The following LRRC63 variants were observed in gnomAD, a reference collection of about 807,000 sequenced individuals.
LRRC63 encodes the protein leucine rich repeat containing 63, also known as leucine-rich repeat-containing protein 63.
Under a neutral mutation model 49.5 loss-of-function variants are expected in LRRC63, and 40 were observed. The observed-to-expected ratio is 0.81, with a 90% CI of 0.63 to 1.05. The LOEUF is 1.05. Ranked by LOEUF, LRRC63 falls within the 50% of genes least tolerant of loss-of-function variation. LRRC63 has a pLI of 0.00. For synonymous variants in LRRC63, 191 were observed against 221.1 expected (o/e 0.86, Z 1.21); for missense variants, 636 against 663.1 (o/e 0.96, Z 0.45).
chr13:46,254,735 A>G (rs2047466412), intron 7 of LRRC63, among the ~76,000 whole-genome samples: 1 of 152,190 alleles, frequency 6.6e-6, no homozygotes, highest in African/African-American at 2.4e-5. Context: ...AGGAAAGTGA[A>G]TGTTTGAGAG....
chr13:46,218,041 T>A (rs1182829051), intron 2 of LRRC63, among the ~76,000 whole-genome samples: 1 of 152,188 alleles, frequency 6.6e-6, no homozygotes, highest in Non-Finnish European at 1.5e-5. Flanking sequence ...AATTTTCGAA[T>A]AAGTGCGACG....
intron 5 of LRRC63, among the ~76,000 whole-genome samples, chr13:46,237,328 T>A (rs541068799): frequency 1.5e-4 from 23 of 152,270 alleles, no homozygotes; most frequent in African/African-American, 5.5e-4. Flanking sequence ...TGAAAACCCA[T>A]AGAATATATA....
At chr13:46,234,265 A>G (rs1421757325) in exon 5 of LRRC63, 1 of 1,550,326 alleles carries the variant, frequency 6.5e-7, no homozygotes, top group South Asian at 1.2e-5. Context: ...CTGTTGCAGC[A>G]ACACGATATG....
intron 9 of LRRC63, among the ~76,000 whole-genome samples, chr13:46,268,615 T>TTGCC (rs2047713362): frequency 6.6e-6 from 1 of 151,722 alleles, no homozygotes; most frequent in Non-Finnish European, 1.5e-5. Context: ...AAATATTATT[T>TTGCC]TGCCCAGCAA....
chr13:46,251,647 G>T (rs375216543), intron 7 of LRRC63, among the ~76,000 whole-genome samples: 2 of 151,836 alleles, frequency 1.3e-5, no homozygotes. Context: ...ATATATGTAT[G>T]TATACTAACC....
chr13:46,251,323 AATT>A, intron 7 of LRRC63, among the ~76,000 whole-genome samples: 1 of 152,062 alleles, frequency 6.6e-6, no homozygotes, highest in Non-Finnish European at 1.5e-5. Context: ...TATATTAAAA[AATT>A]ATACCATTTC....
At chr13:46,218,623 T>G (rs1245916967) in intron 2 of LRRC63, among the ~76,000 whole-genome samples, 1 of 152,234 alleles carries the variant, frequency 6.6e-6, no homozygotes, top group African/African-American at 2.4e-5. Flanking sequence ...TATCGTTATA[T>G]GTGAATTTGA....
chr13:46,274,924 A>G (rs1179991568), intron 9 of LRRC63, among the ~76,000 whole-genome samples: 1 of 152,152 alleles, frequency 6.6e-6, no homozygotes, highest in Non-Finnish European at 1.5e-5. Context: ...CTACAGTGCT[A>G]TAGAACACTA....
chr13:46,255,645 A>AATATATATATAT lies in LRRC63; in HGVS notation c.1226+5164_1226+5175dup, dbSNP rs142798828. 7.1e-4 allele frequency among the ~76,000 whole-genome samples: 92 copies of AATATATATATAT among 129,440 alleles called. 4 individuals carry two copies. Among genetic ancestry groups the AATATATATATAT allele is most frequent in the African/African-American group, 2.1e-3 (73 of 34,346 alleles). 84.9% of individuals were successfully genotyped at this position (129,440 alleles called of 152,430 possible). A position where few individuals can be genotyped will look rare whatever the true frequency, so the allele number is the denominator to read the frequency against. On this transcript the variant is annotated intron_variant, in intron 7 of 9. Coordinates refer to ENST00000595396, the Ensembl canonical transcript of LRRC63. ...GGCAACAGAGTAAGACCCTGCCTCA[A>AATATATATATAT]ATATATATATATATATATATAGTTA...
chr13:46,253,107 A>C (rs1324670334), intron 7 of LRRC63, among the ~76,000 whole-genome samples: 1 of 152,036 alleles, frequency 6.6e-6, no homozygotes, highest in Non-Finnish European at 1.5e-5. Context: ...GGACCAAGGC[A>C]ATGGTAGTGA....
intron 2 of LRRC63, among the ~76,000 whole-genome samples, chr13:46,218,046 G>A (rs2046303545): frequency 6.6e-6 from 1 of 152,128 alleles, no homozygotes; most frequent in African/African-American, 2.4e-5. Flanking sequence ...TCGAATAAGT[G>A]CGACGTGGTG....
chr13:46,245,615 A>G (rs912496039), intron 5 of LRRC63, among the ~76,000 whole-genome samples: 8 of 152,130 alleles, frequency 5.3e-5, no homozygotes, highest in Non-Finnish European at 1.0e-4. Flanking sequence ...TTGGAAATCA[A>G]ACAACACACT....
chr13:46,217,542 C>T (rs923105986), intron 2 of LRRC63, among the ~76,000 whole-genome samples: 2 of 151,768 alleles, frequency 1.3e-5, no homozygotes, highest in East Asian at 3.9e-4. Context: ...TTTTGTTACT[C>T]TTTTCAAAAA....
At chr13:46,266,708 A>C in intron 8 of LRRC63, 25 bp from the exon 9 acceptor site, 1 of 1,507,574 alleles carries the variant, frequency 6.6e-7, no homozygotes, top group Non-Finnish European at 8.9e-7. Context: ...AATACCTTTT[A>C]AAGTGTGGTT....
intron 2 of LRRC63, among the ~76,000 whole-genome samples, chr13:46,214,094 A>G (rs2046175368): frequency 6.6e-6 from 1 of 152,020 alleles, no homozygotes; most frequent in Non-Finnish European, 1.5e-5. Flanking sequence ...TATGGTTTCT[A>G]TTCCCTCCTT....
intron 4 of LRRC63, among the ~76,000 whole-genome samples, chr13:46,230,794 C>T (rs1317551299): frequency 6.6e-6 from 1 of 152,200 alleles, no homozygotes; most frequent in Non-Finnish European, 1.5e-5. Context: ...CAATCTGCTT[C>T]CCTTTCGAAT....
intron 7 of LRRC63, among the ~76,000 whole-genome samples, chr13:46,259,933 C>T (rs2047587202): frequency 3.3e-5 from 5 of 151,952 alleles, no homozygotes; most frequent in South Asian, 4.2e-4. Context: ...AGCTCATTGG[C>T]CAATAATTTG....
intron 2 of LRRC63, among the ~76,000 whole-genome samples, chr13:46,224,755 G>A (rs2046519628): frequency 6.6e-6 from 1 of 152,216 alleles, no homozygotes. Flanking sequence ...TATCTGTGGT[G>A]TTGGTTGGGT....
intron 2 of LRRC63, among the ~76,000 whole-genome samples, chr13:46,218,726 G>T (rs910219470): frequency 1.3e-5 from 2 of 152,104 alleles, no homozygotes; most frequent in Non-Finnish European, 2.9e-5. Context: ...GTATGTTTTT[G>T]CAGTGGCTGG....
Sources: gnomAD v4.1 joint callset for allele counts (sites outside exome capture counted in the v4.1 genomes callset) on GRCh38, gnomAD v4.1.1 for gene constraint, MANE v1.5 for transcripts, NCBI Gene and HGNC (gene_info 2026-07-23, HGNC 2026-07-21) for gene names.